The following MYOZ2 variants were observed in gnomAD, a reference collection of about 807,000 sequenced individuals.
The protein encoded by MYOZ2 is myozenin 2, also known as myozenin-2.
A neutral mutation model predicts 25.4 loss-of-function variants in MYOZ2; 19 were observed. The ratio of observed to expected loss-of-function variants is 0.75; its 90% CI spans 0.52 to 1.10. The LOEUF (loss-of-function observed/expected upper bound fraction) is 1.10. MYOZ2 is among the 50% of genes least tolerant of loss of function. MYOZ2 has a pLI of 0.00. For synonymous variants in MYOZ2, 92 were observed against 106.9 expected, an observed-to-expected ratio of 0.86 and a Z score of 0.86; for missense variants, 270 against 317.9, an observed-to-expected ratio of 0.85 and a Z score of 1.15.
chr4:119,180,090 G>T (rs983357756), intron 5 of MYOZ2, among the ~76,000 whole-genome samples: 5 of 152,176 alleles, frequency 3.3e-5, no homozygotes, highest in African/African-American at 1.2e-4. Flanking sequence ...TTAATGATTG[G>T]GGAATCATGT....
chr4:119,139,874 G>A (rs1741124564), intron 2 of MYOZ2, among the ~76,000 whole-genome samples: 1 of 152,078 alleles, frequency 6.6e-6, no homozygotes, highest in Non-Finnish European at 1.5e-5. Context: ...TACGTTTTTT[G>A]TTTGTTTGTT....
At chr4:119,185,334 T>C (rs530767821) in intron 5 of MYOZ2, among the ~76,000 whole-genome samples, 2 of 152,040 alleles carry the variant, frequency 1.3e-5, no homozygotes, top group Non-Finnish European at 2.9e-5. Flanking sequence ...TTTTTCTTTT[T>C]AGACAGGTTT....
chr4:119,180,687 G>T (rs981793234), intron 5 of MYOZ2, among the ~76,000 whole-genome samples: 9 of 152,096 alleles, frequency 5.9e-5, no homozygotes, highest in African/African-American at 2.2e-4. Flanking sequence ...CTGAGTAGCT[G>T]GGATTACAGG....
intron 3 of MYOZ2, among the ~76,000 whole-genome samples, chr4:119,152,714 A>T (rs1741481376): frequency 6.6e-6 from 1 of 152,188 alleles, no homozygotes; most frequent in Non-Finnish European, 1.5e-5. Context: ...AAACAGGTTT[A>T]TTGAAATAAA....
At chr4:119,146,671 T>G (rs1245472234) in intron 2 of MYOZ2, among the ~76,000 whole-genome samples, 1 of 152,164 alleles carries the variant, frequency 6.6e-6, no homozygotes. Flanking sequence ...TATATTCCAC[T>G]GGCACTTGAA....
chr4:119,172,749 C>T (rs977301056), intron 5 of MYOZ2, among the ~76,000 whole-genome samples: 1 of 152,166 alleles, frequency 6.6e-6, no homozygotes, highest in Admixed American at 6.5e-5. Context: ...AGGGCTGTTA[C>T]CGCCATTGTT....
intron 1 of MYOZ2, among the ~76,000 whole-genome samples, chr4:119,136,239 G>A (rs1217925066): frequency 6.6e-6 from 1 of 152,136 alleles, no homozygotes; most frequent in Non-Finnish European, 1.5e-5. Flanking sequence ...GAAAAGAGAG[G>A]GAGGGGAAAG....
In MYOZ2 at chr4:119,174,748, C is replaced by T. The variant is rs541030925; in HGVS notation, c.560+10354C>T. On this transcript the variant is annotated intron_variant, in intron 5 of 5. Transcript: ENST00000307128. ...CCCAAGCCAGCAGTGGCAACCCGCTCGGGTCCCCTTCCACACAGTGGAAGC... is the reference window on the plus strand; with the variant it reads ...CCCAAGCCAGCAGTGGCAACCCGCTTGGGTCCCCTTCCACACAGTGGAAGC... Among the ~76,000 whole-genome samples, 6 of 152,268 alleles carry T rather than the reference C, an allele frequency of 3.9e-5. No individual in the cohort carries two copies. The South Asian group carries it at 8.3e-4, about 21-fold the overall frequency.
chr4:119,178,614 T>G (rs1742126921), intron 5 of MYOZ2, among the ~76,000 whole-genome samples: 1 of 152,192 alleles, frequency 6.6e-6, no homozygotes, highest in African/African-American at 2.4e-5. Context: ...TATTTATTTA[T>G]TTATTTATTT....
chr4:119,180,016 A>C (rs1399016536), intron 5 of MYOZ2, among the ~76,000 whole-genome samples: 2 of 152,238 alleles, frequency 1.3e-5, no homozygotes, highest in African/African-American at 4.8e-5. Context: ...CAAAATCTGA[A>C]ACAGTACCTG....
At chr4:119,140,543 T>C (rs901120033) in intron 2 of MYOZ2, among the ~76,000 whole-genome samples, 26 of 152,338 alleles carry the variant, frequency 1.7e-4, no homozygotes, top group African/African-American at 5.1e-4. Context: ...TGTGCAGTCA[T>C]ATCTTGTGAA....
intron 4 of MYOZ2, among the ~76,000 whole-genome samples, chr4:119,163,562 CTG>C (rs1553958956): frequency 6.6e-6 from 1 of 152,072 alleles, no homozygotes; most frequent in Non-Finnish European, 1.5e-5. Context: ...GAAGAATAAA[CTG>C]GGGAGGTGAG....
chr4:119,174,643 C>T lies in MYOZ2; in HGVS notation c.560+10249C>T, dbSNP rs569829957. Among the ~76,000 whole-genome samples the T allele has an allele frequency of 2.0e-4, 30 of 152,176 alleles. No individual in the cohort carries two copies. In the South Asian group the frequency reaches 4.4e-3, roughly 22 times the overall value. On this transcript the variant is annotated intron_variant, in intron 5 of 5. Coordinates refer to ENST00000307128, the MANE Select transcript of MYOZ2 (RefSeq NM_016599.5). ...CAGGGATTGTAAATGCACCAATCAG[C>T]GCCCTGTCAAAATAGACCACCGGGC...
intron 5 of MYOZ2, among the ~76,000 whole-genome samples, chr4:119,179,949 C>T (rs1311566466): frequency 1.3e-5 from 2 of 152,222 alleles, no homozygotes; most frequent in African/African-American, 4.8e-5. Context: ...CTCTTAATAC[C>T]ACCACAGTAA....
intron 5 of MYOZ2, among the ~76,000 whole-genome samples, chr4:119,183,081 C>T (rs190150703): frequency 6.6e-6 from 1 of 152,116 alleles, no homozygotes; most frequent in East Asian, 1.9e-4. Context: ...TTTAAATAAT[C>T]ACAATATTAG....
chr4:119,155,839 C>G (rs887023487), intron 3 of MYOZ2, among the ~76,000 whole-genome samples: 2 of 151,926 alleles, frequency 1.3e-5, no homozygotes, highest in Non-Finnish European at 2.9e-5. Flanking sequence ...AAAGTATGAG[C>G]AATGAGGATA....
intron 2 of MYOZ2, 150 bp from the exon 3 acceptor site, chr4:119,150,722 A>G: frequency 1.4e-6 from 1 of 734,220 alleles, no homozygotes; most frequent in Non-Finnish European, 2.2e-6. Context: ...GCTCCACTTT[A>G]GAGATGAAGG....
Position 119,186,612 on chromosome 4 carries a change from A to T in MYOZ2, c.*412A>T, listed in dbSNP as rs80241242. Reference sequence around the variant, plus strand: ...AGAGTTTCATCTGGGGATGAAAGCTATGGAAGATGATGTACAAATGTTATT... The same window carrying T: ...AGAGTTTCATCTGGGGATGAAAGCTTTGGAAGATGATGTACAAATGTTATT... On this transcript the variant is annotated 3_prime_UTR_variant, in exon 6 of 6. Coordinates refer to ENST00000307128, the MANE Select transcript of MYOZ2 (RefSeq NM_016599.5). The T allele has an allele frequency of 0.013, 2,481 of 196,828 alleles. 88 individuals carry two copies. Among genetic ancestry groups the T allele is most frequent in the East Asian group, 0.12 (773 of 6,468 alleles). The allele number at this position is 196,828 out of a possible 1,614,324, so 12.2% of individuals were successfully genotyped here.
intron 5 of MYOZ2, among the ~76,000 whole-genome samples, chr4:119,176,654 G>T (rs1401805865): frequency 6.6e-6 from 1 of 152,144 alleles, no homozygotes; most frequent in East Asian, 1.9e-4. Context: ...CACTAAACCA[G>T]ATAACAAAAT....
Sources: allele counts gnomAD v4.1 joint callset (sites outside exome capture counted in the v4.1 genomes callset), GRCh38; gene constraint gnomAD v4.1.1; transcripts MANE v1.5; gene names NCBI Gene and HGNC (gene_info 2026-07-23, HGNC 2026-07-21).